The following SEMA6B variants were observed in gnomAD, a reference collection of about 807,000 sequenced individuals.
The protein encoded by SEMA6B is semaphorin 6B.
SEMA6B carries 47 observed loss-of-function variants against 78.6 expected under a neutral mutation model. The observed-to-expected ratio is 0.60, with a 90% CI of 0.47 to 0.76. The LOEUF (loss-of-function observed/expected upper bound fraction) is 0.76. SEMA6B is among the 30% of genes least tolerant of loss of function. SEMA6B has a pLI of 0.00. For missense variants in SEMA6B, 1,213 were observed against 1,269.9 expected, an observed-to-expected ratio of 0.96 and a Z score of 0.68; for synonymous variants, 632 against 592.2, an observed-to-expected ratio of 1.07 and a Z score of -0.98.
At chr19:4,551,203 G>C (rs4635456) in intron 10 of SEMA6B, among the ~76,000 whole-genome samples, 2 of 149,680 alleles carry the variant, frequency 1.3e-5, no homozygotes, top group Admixed American at 6.7e-5. Flanking sequence ...CACTGTTAGA[G>C]CCCACTCCCC....
At position 4,545,371 on chromosome 19, in the gene SEMA6B, CT is replaced by C. The variant is rs994617847; in HGVS notation, c.1739-843del. Among the ~76,000 whole-genome samples, 6 of 150,948 alleles carry C rather than the reference CT, an allele frequency of 4.0e-5. 1 individual carries two copies. The highest frequency in any genetic ancestry group is 4.0e-4 in the Admixed American group (6 of 15,154). Reference sequence around the variant, plus strand: ...AAAAAAAAAAAGACATGTTCTCACTCTGTTGCCCAAGCTGGAGTACAGTGGC... The same window carrying C: ...AAAAAAAAAAAGACATGTTCTCACTCGTTGCCCAAGCTGGAGTACAGTGGC... On this transcript the variant is annotated intron_variant, in intron 16 of 16. Coordinates refer to ENST00000586582, the MANE Select transcript of SEMA6B (RefSeq NM_032108.4).
chr19:4,553,239 TAG>T (rs926512860), intron 9 of SEMA6B, among the ~76,000 whole-genome samples: 5 of 151,852 alleles, frequency 3.3e-5, no homozygotes, highest in African/African-American at 1.2e-4. Flanking sequence ...AACAGATGGA[TAG>T]AGAGAAAGCT....
chr19:4,549,956 T>C (rs1157795624), intron 12 of SEMA6B, among the ~76,000 whole-genome samples, 167 bp downstream of exon 12: 1 of 152,134 alleles, frequency 6.6e-6, no homozygotes, highest in African/African-American at 2.4e-5. Context: ...CTTTGTTCTC[T>C]CTTTCCTAGT....
chr19:4,555,105 GT>G lies in SEMA6B; in HGVS notation c.563-11del. 1 of 1,613,416 alleles carries G rather than the reference GT, an allele frequency of 6.2e-7. No homozygotes were observed. ...GTGAAGAGCATCCCGTCTGGATGGG[GT>G]GGGTGGGGAAGGCAGGCAAGAGATG... On this transcript the variant is annotated splice_polypyrimidine_tract_variant and intron_variant, in intron 7 of 16. Transcript: ENST00000586582. The surrounding 1 kb of genome is among the most constrained non-coding windows in gnomAD (Gnocchi z 6.1).
In SEMA6B at chr19:4,543,913, G is replaced by T. The variant is rs1977090184; in HGVS notation, c.2355C>A (p.Gly785=). 3 of 1,202,196 alleles carry T rather than the reference G, an allele frequency of 2.5e-6. No individual in the cohort carries two copies. Among genetic ancestry groups the T allele is most frequent in the Middle Eastern group, 3.3e-4 (1 of 3,024 alleles). The allele number at this position is 1,202,196 out of a possible 1,614,324, so 74.5% of individuals were successfully genotyped here. The change falls in exon 17 of 17, where the codon GGC becomes GGA. Residue 785 remains glycine (G), a synonymous_variant. Coordinates refer to ENST00000586582, the MANE Select transcript of SEMA6B (RefSeq NM_032108.4). ...YAARPGRASH[G]DFPLTPHASP... ...TGGCGTGGGGGGTGAGCGGGAAGTC[G>T]CCGTGGGAGGCGCGGCCGGGCCGGG...
chr19:4,550,391 T>A lies in SEMA6B; in HGVS notation c.1122-119A>T. 9.2e-7 allele frequency: 1 copy of A among 1,087,472 alleles called. No individual in the cohort carries two copies. The highest frequency in any genetic ancestry group is 1.3e-6 in the Non-Finnish European group (1 of 756,754). The allele number at this position is 1,087,472 out of a possible 1,614,324, so 67.4% of individuals were successfully genotyped here. On this transcript the variant is annotated intron_variant, in intron 11 of 16. Transcript: ENST00000586582. The surrounding 1 kb of genome is among the most constrained non-coding windows in gnomAD (Gnocchi z 6.6). ...CTCAGGTTTTTTGTTTGTTTTGTTT[T>A]TGAGACAGAGTCTCAATCTGTCGCC...
In SEMA6B at chr19:4,550,485, A is replaced by T. The variant is rs575270774; in HGVS notation, c.1122-213T>A. The stretch of plus-strand genomic sequence containing the variant: ...TTCAAGCGATTCTCCTGCTTCAGCC[A>T]CCCGAGTGGCTGGGATTACAGGCAC... On this transcript the variant is annotated intron_variant, in intron 11 of 16. Coordinates refer to ENST00000586582, the MANE Select transcript of SEMA6B (RefSeq NM_032108.4). The surrounding 1 kb of genome is among the most constrained non-coding windows in gnomAD (Gnocchi z 6.6). Among the ~76,000 whole-genome samples, 4 of 151,958 alleles carry T rather than the reference A, an allele frequency of 2.6e-5. No individual in the cohort carries two copies. In the South Asian group the frequency reaches 6.3e-4, roughly 24 times the overall value.
Position 4,557,237 on chromosome 19 carries a change from ATAGT to A in SEMA6B, c.246-18_246-15del, listed in dbSNP as rs767541517. On this transcript the variant is annotated splice_polypyrimidine_tract_variant and intron_variant, in intron 3 of 16. Transcript: ENST00000586582. ...TAGAGGTTGTCCCTGGGGGAGGGGC[ATAGT>A]TAGTGAGAACTGGGGGCTCCGCCAC... 1.9e-5 allele frequency: 30 copies of A among 1,559,378 alleles called. No homozygotes were observed. Among genetic ancestry groups the A allele is most frequent in the African/African-American group, 2.7e-5 (2 of 73,564 alleles).
chr19:4,547,412 G>A (rs945681517), intron 14 of SEMA6B, among the ~76,000 whole-genome samples: 3 of 152,226 alleles, frequency 2.0e-5, no homozygotes. Context: ...GGGAGCCCAG[G>A]CATCGTGCCA....
In SEMA6B at chr19:4,543,922, G is replaced by T. The variant is rs1977090499; in HGVS notation, c.2346C>A (p.Ala782=). Reference sequence around the variant, plus strand: ...GGGTGAGCGGGAAGTCGCCGTGGGAGGCGCGGCCGGGCCGGGCAGCATAGA... The same window carrying T: ...GGGTGAGCGGGAAGTCGCCGTGGGATGCGCGGCCGGGCCGGGCAGCATAGA... ...GRLYAARPGR[A]SHGDFPLTPH... is the part of the protein sequence containing the mutation. The change falls in exon 17 of 17, where the codon GCC becomes GCA. Residue 782 remains alanine (A), a synonymous_variant. Coordinates refer to ENST00000586582, the MANE Select transcript of SEMA6B (RefSeq NM_032108.4). 5.8e-6 allele frequency: 7 copies of T among 1,201,438 alleles called. No homozygotes were observed. The Middle Eastern group carries it at 1.3e-3, about 229-fold the overall frequency. The allele number at this position is 1,201,438 out of a possible 1,614,324, so 74.4% of individuals were successfully genotyped here.
At chr19:4,549,474 G>GTATTTTATTT (rs58228703) in intron 12 of SEMA6B, among the ~76,000 whole-genome samples, 14 of 144,112 alleles carry the variant, frequency 9.7e-5, no homozygotes, top group East Asian at 4.2e-4. Flanking sequence ...GCTAATTTTT[G>GTATTTTATTT]TATTTTATTT....
At chr19:4,557,298 G>T in intron 3 of SEMA6B, 75 bp from the exon 4 acceptor site, 1 of 1,096,582 alleles carries the variant, frequency 9.1e-7, no homozygotes, top group Non-Finnish European at 1.3e-6. Context: ...CACTGCCAAT[G>T]TGGTGTGCAC....
Position 4,544,048 on chromosome 19 carries a change from G to C in SEMA6B, c.2220C>G (p.Pro740=), listed in dbSNP as rs779479366. The change falls in exon 17 of 17, where the codon CCC becomes CCG. Residue 740 remains proline (P), a synonymous_variant. Coordinates refer to ENST00000586582, the MANE Select transcript of SEMA6B (RefSeq NM_032108.4). The surrounding 1 kb of genome is among the most constrained non-coding windows in gnomAD (Gnocchi z 5.1). ...LGPRAWDHGH[P]LLPASASSSL... ...AGGATGAAGCGGAGGCCGGGAGCAG[G>C]GGGTGGCCGTGGTCCCAGGCGCGGG... 12 of 1,223,640 alleles carry C rather than the reference G, an allele frequency of 9.8e-6. No individual in the cohort carries two copies. The highest frequency in any genetic ancestry group is 1.2e-5 in the Non-Finnish European group (12 of 982,428). The allele number at this position is 1,223,640 out of a possible 1,614,324, so 75.8% of individuals were successfully genotyped here.
chr19:4,544,093 C>G lies in SEMA6B; in HGVS notation c.2175G>C (p.Pro725=). The change falls in exon 17 of 17, where the codon CCG becomes CCC. Residue 725 remains proline, a synonymous_variant. Transcript: ENST00000586582. This position sits in a 1 kb window ranked among gnomAD's most constrained non-coding sequence, Gnocchi z 5.1. ...LPQKRLPTPH[P]HPHALGPRAW... ...CGCGGGGGCCCAGGGCGTGGGGGTG[C>G]GGGTGCGGAGTGGGCAGGCGCTTCT... 1 of 1,257,668 alleles carries G rather than the reference C, an allele frequency of 8.0e-7. No individual in the cohort carries two copies. Among genetic ancestry groups the G allele is most frequent in the South Asian group, 2.8e-5 (1 of 35,898 alleles). The allele number at this position is 1,257,668 out of a possible 1,614,324, so 77.9% of individuals were successfully genotyped here.
intron 3 of SEMA6B, 79 bp from the exon 4 acceptor site, chr19:4,557,302 T>A: frequency 2.0e-6 from 2 of 1,005,196 alleles, no homozygotes; most frequent in Non-Finnish European, 3.0e-6. Flanking sequence ...GCCAATGTGG[T>A]GTGCACACGG....
Position 4,542,613 on chromosome 19 carries a change from T to G in SEMA6B, c.*988A>C. ...GCCGGTGGTTGTAAACAGAGTTTTA[T>G]TGATGGGGAGGGGGCTGGGGGAGGC... On this transcript the variant is annotated 3_prime_UTR_variant, in exon 17 of 17. Transcript: ENST00000586582. 3 of 494,584 alleles carry G rather than the reference T, an allele frequency of 6.1e-6. No homozygotes were observed. Among genetic ancestry groups the G allele is most frequent in the Non-Finnish European group, 1.1e-5 (3 of 267,274 alleles). 30.6% of individuals were successfully genotyped at this position (494,584 alleles called of 1,614,324 possible).
At chr19:4,556,753 G>T (rs1977480538) in intron 5 of SEMA6B, among the ~76,000 whole-genome samples, 198 bp downstream of exon 5, 1 of 151,552 alleles carries the variant, frequency 6.6e-6, no homozygotes, top group South Asian at 2.1e-4. Context: ...GGACCAATTG[G>T]GTGGGGACGT....
chr19:4,550,962 C>T lies in SEMA6B; in HGVS notation c.990-32G>A, dbSNP rs1018756403. The T allele has an allele frequency of 6.2e-7, 1 of 1,611,208 alleles. No individual in the cohort carries two copies. On this transcript the variant is annotated intron_variant, in intron 10 of 16. Transcript: ENST00000586582. This position sits in a 1 kb window ranked among gnomAD's most constrained non-coding sequence, Gnocchi z 6.6. ...GGTTGGGATGAAAGAGTTTGGTGAGCCCGGTGGGAGGCCCCATCTCGGACA... is the reference window on the plus strand; with the variant it reads ...GGTTGGGATGAAAGAGTTTGGTGAGTCCGGTGGGAGGCCCCATCTCGGACA...
chr19:4,557,646 T>A (rs1168727582), intron 3 of SEMA6B, among the ~76,000 whole-genome samples: 1 of 152,174 alleles, frequency 6.6e-6, no homozygotes, highest in Non-Finnish European at 1.5e-5. Flanking sequence ...CTCTCCTTCC[T>A]GGGAAGCCCA....
Sources: gnomAD v4.1 joint callset for allele counts (sites outside exome capture counted in the v4.1 genomes callset) on GRCh38, gnomAD v4.1.1 for gene constraint, Gnocchi (gnomAD v3.1) non-coding constraint, MANE v1.5 for transcripts, NCBI Gene and HGNC (gene_info 2026-07-23, HGNC 2026-07-21) for gene names.